Variants in ABCA13 observed in about 807,000 individuals in gnomAD.
ABCA13 encodes the protein ATP-binding cassette sub-family A member 13.
ABCA13 carries 476 observed loss-of-function variants against 478.7 expected under a neutral mutation model. That is an observed-to-expected ratio of 0.99 (90% CI 0.92 to 1.07). ABCA13 has a LOEUF of 1.07. Ranked by LOEUF, ABCA13 falls within the 50% of genes least tolerant of loss-of-function variation. The pLI is 0.00. For missense variants in ABCA13, 6,060 were observed against 5,910.6 expected (o/e 1.03, Z -0.83); for synonymous variants, 2,252 against 2,158.9 (o/e 1.04, Z -1.20).
intron 38 of ABCA13, among the ~76,000 whole-genome samples, chr7:48,397,569 T>A (rs1362013670): frequency 6.6e-6 from 1 of 152,010 alleles, no homozygotes; most frequent in Non-Finnish European, 1.5e-5. Context: ...ACATTACCCC[T>A]GAAAATCTTT....
At position 48,328,279 on chromosome 7, in the gene ABCA13, C is replaced by G. The variant is rs543737338; in HGVS notation, c.10000-7143C>G. On this transcript the variant is annotated intron_variant, in intron 27 of 61. Transcript: ENST00000435803. ...GCAGGTCAAGGTCTTTCCCAGGGAG[C>G]CCTACAGAGAGAACAAAATCCATTG... Among the ~76,000 whole-genome samples the G allele has an allele frequency of 1.3e-4, 20 of 152,196 alleles. No homozygotes were observed. The East Asian group carries it at 3.9e-3, about 29-fold the overall frequency.
In ABCA13 at chr7:48,489,239, T is replaced by C; in HGVS notation, c.13186T>C (p.Trp4396Arg). ...TAAATTATCTTTCTTTTTTTAGGTG[T>C]GGTATAATCAGAAGGGTTTTCATTC... The part of the protein sequence containing the change: ...ISKPPTLAKV[W>R]YNQKGFHSLP... The change falls in exon 48 of 62, where the codon TGG becomes CGG. Residue 4396 changes from tryptophan (W) to arginine (R), a missense_variant. This residue lies in a region of ABCA13 where 1,627 missense variants were observed against 1,571.0 expected (regional missense o/e 1.04). Transcript: ENST00000435803. The C allele has an allele frequency of 6.2e-7, 1 of 1,606,498 alleles. No homozygotes were observed. Among genetic ancestry groups the C allele is most frequent in the Non-Finnish European group, 8.5e-7 (1 of 1,174,924 alleles).
chr7:48,178,690 GTAAAATAAAA>G (rs917735592), intron 1 of ABCA13, among the ~76,000 whole-genome samples: 4 of 148,692 alleles, frequency 2.7e-5, no homozygotes, highest in Admixed American at 6.7e-5. Flanking sequence ...ATAAAAAAAA[GTAAAATAAAA>G]TAAAATAAAA....
chr7:48,480,588 G>T (rs1456943143), intron 45 of ABCA13, among the ~76,000 whole-genome samples: 1 of 152,200 alleles, frequency 6.6e-6, no homozygotes, highest in Non-Finnish European at 1.5e-5. Context: ...CAGAGCTGGT[G>T]TTGGCATGCT....
rs1405833672 is a variant in ABCA13 at position 48,410,641 on chromosome 7, A to G, written c.12192A>G (p.Ala4064=). The change falls in exon 40 of 62, where the codon GCA becomes GCG. Residue 4064 remains alanine (A), a synonymous_variant. Coordinates refer to ENST00000435803, the MANE Select transcript of ABCA13 (RefSeq NM_152701.5). Reference sequence around the variant, plus strand: ...GTCCTCCCTTCTGCCTGAAGGAGGCATATGGCCAGGGGCTCCGCCTGACAC... The same window carrying G: ...GTCCTCCCTTCTGCCTGAAGGAGGCGTATGGCCAGGGGCTCCGCCTGACAC... ...CCGPPFCLKE[A]YGQGLRLTLT... is the part of the protein sequence containing the mutation. 1 of 1,614,040 alleles carries G rather than the reference A, an allele frequency of 6.2e-7. No individual in the cohort carries two copies. Among genetic ancestry groups the G allele is most frequent in the East Asian group, 2.2e-5 (1 of 44,874 alleles).
chr7:48,287,554 T>C (rs980904916), intron 19 of ABCA13, among the ~76,000 whole-genome samples: 2 of 152,094 alleles, frequency 1.3e-5, no homozygotes, highest in African/African-American at 4.8e-5. Flanking sequence ...AGACCACACA[T>C]AGACAGTGTG....
intron 42 of ABCA13, among the ~76,000 whole-genome samples, chr7:48,449,820 G>C (rs1824765675): frequency 6.6e-6 from 1 of 152,138 alleles, no homozygotes; most frequent in African/African-American, 2.4e-5. Flanking sequence ...TCTGTAACCA[G>C]CTTAGCATAT....
chr7:48,239,417 T>C lies in ABCA13; in HGVS notation c.1062+12T>C, dbSNP rs1790471827. On this transcript the variant is annotated intron_variant, in intron 9 of 61. Transcript: ENST00000435803. The stretch of plus-strand genomic sequence containing the variant: ...GAGTCTACCAACAGGTGCTGTCCCC[T>C]CTCTCTATGTTCTGTTCAAAGGTGT... The C allele has an allele frequency of 1.2e-6, 2 of 1,606,856 alleles. No individual in the cohort carries two copies. Among genetic ancestry groups the C allele is most frequent in the African/African-American group, 2.7e-5 (2 of 74,798 alleles).
chr7:48,464,951 C>T (rs985925905), intron 43 of ABCA13, among the ~76,000 whole-genome samples: 2 of 152,110 alleles, frequency 1.3e-5, no homozygotes, highest in Admixed American at 1.3e-4. Context: ...CCAAGGTTTC[C>T]AGGCCAGGCT....
intron 7 of ABCA13, among the ~76,000 whole-genome samples, chr7:48,232,290 C>T (rs1014022973): frequency 6.6e-6 from 1 of 151,738 alleles, no homozygotes; most frequent in Non-Finnish European, 1.5e-5. Flanking sequence ...ATGAATAAAA[C>T]ACCTCATCGA....
rs998331491 is a variant in ABCA13 at position 48,275,880 on chromosome 7, G to T, written c.6214G>T (p.Asp2072Tyr). ...FQQIMKDLTQ[D>Y]FRIRHLLSEM... ...ACAAATCATGAAAGACCTAACCCAAGATTTTAGAATCAGACACCTGCTTTC... is the reference window on the plus strand; with the variant it reads ...ACAAATCATGAAAGACCTAACCCAATATTTTAGAATCAGACACCTGCTTTC... Residue 2072 changes from aspartate (D) to tyrosine (Y), a missense_variant, in exon 17 of 62, where the codon GAT (aspartate) becomes TAT (tyrosine). By Grantham distance (160) the Asp-to-Tyr change is radical. Coordinates refer to ENST00000435803, the MANE Select transcript of ABCA13 (RefSeq NM_152701.5). 6.2e-7 allele frequency: 1 copy of T among 1,613,528 alleles called. No homozygotes were observed. The highest frequency in any genetic ancestry group is 1.7e-4 in the Middle Eastern group (1 of 6,058).
At chr7:48,373,014 T>C (rs1812900936) in intron 33 of ABCA13, among the ~76,000 whole-genome samples, 1 of 152,208 alleles carries the variant, frequency 6.6e-6, no homozygotes, top group Non-Finnish European at 1.5e-5. Context: ...CATTCTTTTA[T>C]GGCAATTGCT....
In ABCA13 at chr7:48,524,253, A is replaced by T. The variant is rs377677027; in HGVS notation, c.14057A>T (p.His4686Leu). Reference sequence around the variant, plus strand: ...CTCTGATTTCATCTTCCCAGGGGTCATTCTACTCTCCAAGGCACAGTCAAA... The same window carrying T: ...CTCTGATTTCATCTTCCCAGGGGTCTTTCTACTCTCCAAGGCACAGTCAAA... ...HWDLLRWPRGHSTLQGTVKSS... is the reference protein window; with the variant it reads ...HWDLLRWPRGLSTLQGTVKSS... The change falls in exon 54 of 62, where the codon CAT becomes CTT. Residue 4686 changes from histidine to leucine, a missense_variant. Physicochemically the swap from His to Leu is moderately conservative, Grantham distance 99. Around this residue, in one of 3 missense-constraint regions of ABCA13, gnomAD observed 1,627 missense variants for 1,571.0 expected, o/e 1.04. Transcript: ENST00000435803. 1.9e-6 allele frequency: 3 copies of T among 1,610,762 alleles called. No individual in the cohort carries two copies. In the South Asian group the frequency reaches 3.3e-5, roughly 18 times the overall value.
intron 27 of ABCA13, among the ~76,000 whole-genome samples, chr7:48,326,371 T>C (rs1804331905): frequency 6.6e-6 from 1 of 152,246 alleles, no homozygotes; most frequent in Non-Finnish European, 1.5e-5. Flanking sequence ...AATTAATAAC[T>C]AGCCGGCTGT....
intron 55 of ABCA13, among the ~76,000 whole-genome samples, chr7:48,546,079 C>A (rs550531205): frequency 2.0e-4 from 30 of 151,624 alleles, no homozygotes; most frequent in Non-Finnish European, 4.3e-4. Flanking sequence ...ACCAAGAATT[C>A]CAAAAACAAA....
intron 35 of ABCA13, among the ~76,000 whole-genome samples, chr7:48,377,559 G>A (rs1030081430): frequency 6.6e-6 from 1 of 152,102 alleles, no homozygotes; most frequent in Non-Finnish European, 1.5e-5. Flanking sequence ...AATCATTTAG[G>A]GATGGGTAAA....
intron 35 of ABCA13, among the ~76,000 whole-genome samples, chr7:48,384,102 G>A (rs1163381161): frequency 6.6e-6 from 1 of 152,124 alleles, no homozygotes. Flanking sequence ...ACACTTGAAG[G>A]CATCTGGATC....
rs1164147374 is a variant in ABCA13, at chr7:48,272,002, A to G, written c.2336A>G (p.Lys779Arg). ...AGTTCTCTGTGGACAAATCATTTAA[A>G]AAGTTTAAAGAGAGACCCATCTGCC... ...NISSLWTNHL[K>R]SLKRDPSATD... Residue 779 changes from lysine to arginine, a missense_variant, in exon 17 of 62, where the codon AAA becomes AGA. Physicochemically the swap from Lys to Arg is conservative, Grantham distance 26. Coordinates refer to ENST00000435803, the MANE Select transcript of ABCA13 (RefSeq NM_152701.5). 6.2e-7 allele frequency: 1 copy of G among 1,613,674 alleles called. No homozygotes were observed.
Position 48,317,162 on chromosome 7 carries a change from T to A in ABCA13, c.9865T>A (p.Phe3289Ile), listed in dbSNP as rs1802718274. The change falls in exon 27 of 62, where the codon TTT (phenylalanine) becomes ATT (isoleucine). Residue 3289 changes from phenylalanine (F) to isoleucine (I), a missense_variant. Transcript: ENST00000435803. ...KFNIPEDSTP[F>I]CLKLYQEILQ... ...TTTCTTTCTAATTGCAACAGCACCG[T>A]TTTGCTTGAAGCTTTATCAGGAAAT... 6.2e-7 allele frequency: 1 copy of A among 1,611,278 alleles called. No individual in the cohort carries two copies. The highest frequency in any genetic ancestry group is 8.5e-7 in the Non-Finnish European group (1 of 1,179,182).
Sources: gnomAD v4.1 joint callset for allele counts (sites outside exome capture counted in the v4.1 genomes callset) on GRCh38, gnomAD v4.1.1 for gene constraint, gnomAD v4.1.1 regional missense constraint, MANE v1.5 for transcripts, NCBI Gene and HGNC (gene_info 2026-07-23, HGNC 2026-07-21) for gene names.